Variants in PCDH15 observed in about 807,000 individuals in gnomAD.
PCDH15 encodes the protein protocadherin related 15.
PCDH15 carries 129 observed loss-of-function variants against 178.5 expected under a neutral mutation model. The ratio of observed to expected loss-of-function variants is 0.72; its 90% CI spans 0.63 to 0.84. The LOEUF (loss-of-function observed/expected upper bound fraction) is 0.84, where lower values mean the gene tolerates loss of function less well. Among genes scored for constraint, PCDH15 ranks in the 40% least tolerant of loss-of-function variants. The pLI is 0.00. For synonymous variants in PCDH15, 800 were observed against 732.0 expected, an observed-to-expected ratio of 1.09 and a Z score of -1.50; for missense variants, 2,230 against 2,099.9, an observed-to-expected ratio of 1.06 and a Z score of -1.21.
At chr10:55,429,166 T>A (rs1463720600) in intron 2 of PCDH15, among the ~76,000 whole-genome samples, 1 of 152,080 alleles carries the variant, frequency 6.6e-6, no homozygotes, top group East Asian at 1.9e-4. Flanking sequence ...TAGTAACCAT[T>A]TCTAGTGGTA....
intron 2 of PCDH15, among the ~76,000 whole-genome samples, chr10:55,571,911 G>A (rs1393067268): frequency 6.6e-6 from 1 of 152,020 alleles, no homozygotes; most frequent in Non-Finnish European, 1.5e-5. Context: ...AAGTGTGTAA[G>A]GAACCAAGAA....
chr10:54,102,379 T>C (rs1468982984), intron 15 of PCDH15, among the ~76,000 whole-genome samples: 1 of 152,194 alleles, frequency 6.6e-6, no homozygotes. Context: ...AATGGCTGTA[T>C]ATCAGGTACC....
chr10:55,111,435 A>T (rs1837498204), intron 2 of PCDH15, among the ~76,000 whole-genome samples: 1 of 152,250 alleles, frequency 6.6e-6, no homozygotes, highest in Non-Finnish European at 1.5e-5. Flanking sequence ...GAAGAAATTC[A>T]GGCTAATAAT....
chr10:55,359,741 TATATATACAC>T (rs1403076295), intron 2 of PCDH15, among the ~76,000 whole-genome samples: 31 of 117,716 alleles, frequency 2.6e-4, no homozygotes, highest in Middle Eastern at 4.0e-3. Context: ...TATATATATA[TATATATACAC>T]ACACACACAC....
At chr10:53,964,594 C>A (rs1008210079) in intron 21 of PCDH15, among the ~76,000 whole-genome samples, 1 of 151,630 alleles carries the variant, frequency 6.6e-6, no homozygotes, top group African/African-American at 2.4e-5. Context: ...CAACTGATAT[C>A]TAAAGTATTC....
intron 2 of PCDH15, among the ~76,000 whole-genome samples, chr10:54,980,447 CT>C (rs1839203844): frequency 6.6e-6 from 1 of 151,954 alleles, no homozygotes; most frequent in African/African-American, 2.4e-5. Flanking sequence ...GTCATTACCC[CT>C]AAACAGAAAA....
chr10:54,359,875 G>T (rs1354442021), intron 5 of PCDH15, among the ~76,000 whole-genome samples: 1 of 152,092 alleles, frequency 6.6e-6, no homozygotes, highest in Non-Finnish European at 1.5e-5. Context: ...AATTGATGCA[G>T]TAGGTATTGA....
chr10:54,157,389 T>C (rs1274687270), intron 13 of PCDH15, among the ~76,000 whole-genome samples: 1 of 152,210 alleles, frequency 6.6e-6, no homozygotes, highest in Non-Finnish European at 1.5e-5. Flanking sequence ...TGCTGAGGCT[T>C]GGAGCTTGAA....
chr10:55,412,819 C>T (rs567575546), intron 2 of PCDH15, among the ~76,000 whole-genome samples: 1 of 151,084 alleles, frequency 6.6e-6, no homozygotes, highest in Non-Finnish European at 1.5e-5. Flanking sequence ...TTTGGGAGTA[C>T]ACGTTGCTGC....
chr10:54,544,118 GTCAGATCAGTAATTTGATCTGACATT>G (rs1180131379), intron 2 of PCDH15, among the ~76,000 whole-genome samples: 1 of 152,050 alleles, frequency 6.6e-6, no homozygotes, highest in East Asian at 1.9e-4. Flanking sequence ...TCCAAACCAA[GTCAGATCAGTAATTTGATCTGACATT>G]TCTTGGGGTG....
intron 28 of PCDH15, among the ~76,000 whole-genome samples, chr10:53,855,946 A>C (rs1259228500): frequency 7.0e-6 from 1 of 142,920 alleles, no homozygotes; most frequent in African/African-American, 2.7e-5. Context: ...GTAATGAAAT[A>C]GTATTCAGCC....
At chr10:55,542,193 G>A (rs28707641) in intron 2 of PCDH15, among the ~76,000 whole-genome samples, 6 of 151,006 alleles carry the variant, frequency 4.0e-5, no homozygotes, top group African/African-American at 1.2e-4. Context: ...CTATATATGT[G>A]CATATGTAGA....
Position 54,528,323 on chromosome 10 carries a change from A to G in PCDH15, c.92-446T>C, listed in dbSNP as rs373234534. 1.4e-4 allele frequency: 198 copies of G among 1,440,128 alleles called. No homozygotes were observed. The African/African-American group carries it at 2.5e-3, about 18-fold the overall frequency. 89.2% of individuals were successfully genotyped at this position (1,440,128 alleles called of 1,614,324 possible). ...GAATTTTAATAATGTTCTAAAGAGAATAAAACAAAGACAGACAAGCAATGC... is the reference window on the plus strand; with the variant it reads ...GAATTTTAATAATGTTCTAAAGAGAGTAAAACAAAGACAGACAAGCAATGC... On this transcript the variant is annotated intron_variant, in intron 2 of 37. Transcript: ENST00000644397.
intron 1 of PCDH15, among the ~76,000 whole-genome samples, chr10:54,687,667 G>A (rs752357862): frequency 4.6e-5 from 7 of 152,050 alleles, no homozygotes; most frequent in Non-Finnish European, 7.4e-5. Flanking sequence ...TCAAGTTGAT[G>A]TAGCTAGAAA....
chr10:55,127,701 T>C (rs888866581), intron 2 of PCDH15, among the ~76,000 whole-genome samples: 4 of 152,070 alleles, frequency 2.6e-5, no homozygotes, highest in African/African-American at 7.2e-5. Flanking sequence ...TTAAATTATC[T>C]ATTTGTAATC....
intron 3 of PCDH15, among the ~76,000 whole-genome samples, chr10:54,505,160 T>C (rs1165119601): frequency 4.6e-5 from 7 of 152,132 alleles, no homozygotes; most frequent in Admixed American, 2.6e-4. Flanking sequence ...TGAGAATTCA[T>C]AGCCACTAAA....
At chr10:55,060,982 G>GA (rs1449343138) in intron 2 of PCDH15, among the ~76,000 whole-genome samples, 1 of 151,666 alleles carries the variant, frequency 6.6e-6, no homozygotes, top group Non-Finnish European at 1.5e-5. Context: ...CTTCCTAGAA[G>GA]AAAAAAAGGA....
At chr10:54,695,329 C>A (rs898722747) in intron 1 of PCDH15, among the ~76,000 whole-genome samples, 1 of 152,092 alleles carries the variant, frequency 6.6e-6, no homozygotes, top group African/African-American at 2.4e-5. Context: ...CAGAACAAGG[C>A]CTTAACTCTC....
intron 3 of PCDH15, among the ~76,000 whole-genome samples, 165 bp downstream of exon 3, chr10:54,527,647 G>T (rs1293380190): frequency 6.6e-6 from 1 of 152,058 alleles, no homozygotes; most frequent in Non-Finnish European, 1.5e-5. Flanking sequence ...AGTAAAGCAT[G>T]AATTTCCAGA....
Sources: allele counts gnomAD v4.1 joint callset (sites outside exome capture counted in the v4.1 genomes callset), GRCh38; gene constraint gnomAD v4.1.1; transcripts MANE v1.5; gene names NCBI Gene and HGNC (gene_info 2026-07-23, HGNC 2026-07-21).